Variants in ADCY9 observed in about 807,000 individuals in gnomAD.
ADCY9 encodes adenylate cyclase type 9.
A neutral mutation model predicts 101.5 loss-of-function variants in ADCY9; 50 were observed. The observed-to-expected ratio is 0.49, with a 90% CI of 0.39 to 0.62. The LOEUF (loss-of-function observed/expected upper bound fraction) is 0.62. ADCY9 is among the 20% of genes least tolerant of loss of function. The pLI is 0.00. For missense variants in ADCY9, 1,662 were observed against 1,800.4 expected (o/e 0.92, Z 1.39); for synonymous variants, 905 against 769.3 (o/e 1.18, Z -2.92).
At chr16:4,061,899 C>G (rs2056775788) in intron 2 of ADCY9, among the ~76,000 whole-genome samples, 1 of 152,208 alleles carries the variant, frequency 6.6e-6, no homozygotes, top group Non-Finnish European at 1.5e-5. Context: ...ACTTTTACTA[C>G]TGGGCTTATG....
chr16:3,972,991 A>C (rs1424269246), intron 10 of ADCY9, among the ~76,000 whole-genome samples: 1 of 152,170 alleles, frequency 6.6e-6, no homozygotes, highest in Non-Finnish European at 1.5e-5. Context: ...TGTAATCATC[A>C]CTCATTCATT....
intron 2 of ADCY9, among the ~76,000 whole-genome samples, chr16:4,028,853 C>T (rs990617583): frequency 1.3e-5 from 2 of 151,802 alleles, no homozygotes; most frequent in Non-Finnish European, 2.9e-5. Context: ...GGCGCGATCT[C>T]GGCTCACTGC....
At chr16:4,076,938 A>G (rs1168174140) in intron 2 of ADCY9, among the ~76,000 whole-genome samples, 1 of 152,112 alleles carries the variant, frequency 6.6e-6, no homozygotes, top group African/African-American at 2.4e-5. Flanking sequence ...TTAGCCGGGC[A>G]TGGTGGCAGG....
At chr16:4,100,474 C>T (rs573034298) in intron 2 of ADCY9, among the ~76,000 whole-genome samples, 2 of 151,994 alleles carry the variant, frequency 1.3e-5, no homozygotes, top group Admixed American at 6.6e-5. Flanking sequence ...AAATTAGAGG[C>T]GTATGCCACC....
chr16:3,955,017 C>T (rs1028717461), intron 5 of ADCY9, among the ~76,000 whole-genome samples: 3 of 151,908 alleles, frequency 2.0e-5, no homozygotes, highest in Non-Finnish European at 2.9e-5. Flanking sequence ...AATGAAGAGA[C>T]GGGGGAACTT....
intron 2 of ADCY9, among the ~76,000 whole-genome samples, chr16:4,108,422 G>A (rs995511960): frequency 7.8e-6 from 1 of 128,244 alleles, no homozygotes; most frequent in African/African-American, 2.9e-5. Flanking sequence ...CGCCCAGGCT[G>A]GAGTGCAATG....
At position 3,964,730 on chromosome 16, in the gene ADCY9, C is replaced by A. The variant is rs2055972308; in HGVS notation, c.*1045G>T. On this transcript the variant is annotated 3_prime_UTR_variant, in exon 11 of 11. Transcript: ENST00000294016. ...GCCATGCTTTGAGGTCCCACTCAGA[C>A]CCCTCTTGGGGTGGGGAGGTTGGGG... 1 of 152,428 alleles carries A rather than the reference C, an allele frequency of 6.6e-6. No individual in the cohort carries two copies. The highest frequency in any genetic ancestry group is 2.1e-4 in the South Asian group (1 of 4,844). The allele number at this position is 152,428 out of a possible 1,614,324, so 9.4% of individuals were successfully genotyped here. A position where few individuals can be genotyped will look rare whatever the true frequency, so the allele number is the denominator to read the frequency against.
intron 2 of ADCY9, among the ~76,000 whole-genome samples, chr16:4,042,770 G>T (rs1382791611): frequency 2.0e-5 from 3 of 152,186 alleles, no homozygotes; most frequent in African/African-American, 2.4e-5. Flanking sequence ...GTTCCAAGAG[G>T]TTTTTATTTA....
At chr16:4,097,101 A>C (rs1367725630) in intron 2 of ADCY9, among the ~76,000 whole-genome samples, 2 of 152,128 alleles carry the variant, frequency 1.3e-5, no homozygotes, top group African/African-American at 4.8e-5. Flanking sequence ...AACAATTGCC[A>C]GAACTAGGCC....
At position 4,113,775 on chromosome 16, in the gene ADCY9, C is replaced by T; in HGVS notation, c.1668G>A (p.Gln556=). Residue 556 remains glutamine (Q), a synonymous_variant, in exon 2 of 11, where the codon CAG becomes CAA. Transcript: ENST00000294016. ...EDGKVIERLG[Q]SVVADQLKGL... ...CTTTCAACTGGTCAGCAACCACGCT[C>T]TGGCCCAGCCGTTCAATAACTTTCC... 1 of 1,613,508 alleles carries T rather than the reference C, an allele frequency of 6.2e-7. No individual in the cohort carries two copies. Among genetic ancestry groups the T allele is most frequent in the East Asian group, 2.2e-5 (1 of 44,846 alleles).
intron 2 of ADCY9, among the ~76,000 whole-genome samples, chr16:4,037,676 T>C (rs750085866): frequency 5.9e-5 from 9 of 152,214 alleles, no homozygotes; most frequent in Non-Finnish European, 8.8e-5. Context: ...CATAAGGTGA[T>C]ATTTCCTTCT....
chr16:4,024,365 G>A (rs757599602), intron 2 of ADCY9, among the ~76,000 whole-genome samples: 4 of 152,128 alleles, frequency 2.6e-5, no homozygotes, highest in Non-Finnish European at 5.9e-5. Context: ...AATCATATAG[G>A]AAAGTTACAT....
intron 5 of ADCY9, among the ~76,000 whole-genome samples, chr16:3,990,810 G>A (rs559067665): frequency 6.6e-6 from 1 of 152,222 alleles, no homozygotes; most frequent in South Asian, 2.1e-4. Flanking sequence ...TTTCTTATTT[G>A]TTTTTTGAGA....
At chr16:4,005,189 T>C (rs1377942096) in intron 3 of ADCY9, among the ~76,000 whole-genome samples, 1 of 152,154 alleles carries the variant, frequency 6.6e-6, no homozygotes, top group Non-Finnish European at 1.5e-5. Flanking sequence ...GTGTTGAATA[T>C]CCCAAGCTTC....
intron 5 of ADCY9, among the ~76,000 whole-genome samples, chr16:3,990,322 C>A (rs2056233934): frequency 6.6e-6 from 1 of 152,070 alleles, no homozygotes; most frequent in African/African-American, 2.4e-5. Flanking sequence ...AAAAATTAGC[C>A]AGGCCTGGTG....
chr16:4,007,392 A>G lies in ADCY9; in HGVS notation c.1860T>C (p.Thr620=), dbSNP rs2141720380. The G allele has an allele frequency of 1.3e-6, 2 of 1,582,350 alleles. No individual in the cohort carries two copies. Among genetic ancestry groups the G allele is most frequent in the East Asian group, 4.5e-5 (2 of 44,594 alleles). The change falls in exon 3 of 11, where the codon ACT becomes ACC. Residue 620 remains threonine, a synonymous_variant. Coordinates refer to ENST00000294016, the MANE Select transcript of ADCY9 (RefSeq NM_001116.4). ...SSGNVSDLAQ[T]VKTFDNLKTC... ...CCTTAAGGTTATCAAAGGTTTTGAC[A>G]GTCTGCGCCAAGTCACTGACATTCC...
At chr16:4,092,358 A>G (rs1189509954) in intron 2 of ADCY9, among the ~76,000 whole-genome samples, 1 of 152,222 alleles carries the variant, frequency 6.6e-6, no homozygotes, top group African/African-American at 2.4e-5. Flanking sequence ...AAATTTCTAC[A>G]GTGACTCCTA....
chr16:3,995,556 G>C (rs2056280086), intron 3 of ADCY9, among the ~76,000 whole-genome samples: 1 of 151,638 alleles, frequency 6.6e-6, no homozygotes, highest in African/African-American at 2.4e-5. Context: ...ATCTAAGAAA[G>C]CAACTAACAG....
Position 4,108,360 on chromosome 16 carries a change from A to ATTTTTTTTTTTTT in ADCY9, c.1693+5377_1693+5389dup, listed in dbSNP as rs869169536. 3.3e-4 allele frequency among the ~76,000 whole-genome samples: 18 copies of ATTTTTTTTTTTTT among 53,742 alleles called. 1 individual carries two copies. The highest frequency in any genetic ancestry group is 4.9e-4 in the African/African-American group (7 of 14,258). 35.3% of individuals were successfully genotyped at this position (53,742 alleles called of 152,430 possible). ...CTCACCTTAATCAGACCGTTTCTTC[A>ATTTTTTTTTTTTT]TTTTTTTTTTTTTTTTTTTTTTTTT... On this transcript the variant is annotated intron_variant, in intron 2 of 10. Transcript: ENST00000294016.
Sources: allele counts gnomAD v4.1 joint callset (sites outside exome capture counted in the v4.1 genomes callset), GRCh38; gene constraint gnomAD v4.1.1; transcripts MANE v1.5; gene names NCBI Gene and HGNC (gene_info 2026-07-23, HGNC 2026-07-21).